The following TRMT11 variants were observed in gnomAD, a reference collection of about 807,000 sequenced individuals.
TRMT11 encodes the protein tRNA (guanine(10)-N(2))-methyltransferase TRMT11.
In TRMT11, 53 loss-of-function variants were observed where a neutral mutation model predicts 62.8. That is an observed-to-expected ratio of 0.84 (90% confidence interval 0.68 to 1.06). The LOEUF is 1.06. Ranked by LOEUF, TRMT11 falls within the 50% of genes least tolerant of loss-of-function variation. The pLI, the probability that TRMT11 is intolerant of heterozygous loss-of-function variation, is 0.00. For synonymous variants in TRMT11, 188 were observed against 190.3 expected, an observed-to-expected ratio of 0.99 and a Z score of 0.10; for missense variants, 556 against 553.4, an observed-to-expected ratio of 1.00 and a Z score of -0.05.
intron 12 of TRMT11, among the ~76,000 whole-genome samples, chr6:126,034,592 G>A (rs2128058894): frequency 6.6e-6 from 1 of 152,216 alleles, no homozygotes; most frequent in South Asian, 2.1e-4. Flanking sequence ...TTTGGAAATT[G>A]TAGTCTTTTT....
In TRMT11 at chr6:125,998,563, T is replaced by C. The variant is rs1295662856; in HGVS notation, c.401T>C (p.Leu134Pro). 1.9e-6 allele frequency: 3 copies of C among 1,612,320 alleles called. No individual in the cohort carries two copies. The African/African-American group carries it at 4.0e-5, about 22-fold the overall frequency. Residue 134 changes from leucine (L) to proline (P), a missense_variant, in exon 6 of 13, where the codon CTG (leucine) becomes CCG (proline). By Grantham distance (98) the Leu-to-Pro change is moderately conservative. Transcript: ENST00000334379. ...KIKRIDALEF[L>P]PFEGKVNLKK... ...TGTTTCTTTTAGGCACTTGAATTTC[T>C]GCCATTTGAAGGAAAAGTGAATTTA...
chr6:126,058,322 A>G (rs559701289), intron 17 of TRMT11, among the ~76,000 whole-genome samples: 2 of 152,262 alleles, frequency 1.3e-5, no homozygotes, highest in South Asian at 4.1e-4. Flanking sequence ...TCCATGGTGT[A>G]TATGCGCCAT....
At chr6:126,091,220 A>T (rs1583872208) in intron 17 of TRMT11, among the ~76,000 whole-genome samples, 1 of 135,530 alleles carries the variant, frequency 7.4e-6, no homozygotes, top group East Asian at 2.3e-4. Context: ...AAAAAAAAAA[A>T]TTTAGCTTAG....
chr6:126,117,223 C>A (rs527552397), intron 21 of TRMT11, among the ~76,000 whole-genome samples: 5 of 152,188 alleles, frequency 3.3e-5, no homozygotes, highest in African/African-American at 1.2e-4. Context: ...GTATTCTACA[C>A]CTCCTGGTCT....
At chr6:126,136,305 A>G (rs553821437) in intron 21 of TRMT11, among the ~76,000 whole-genome samples, 18 of 151,752 alleles carry the variant, frequency 1.2e-4, no homozygotes, top group Non-Finnish European at 2.5e-4. Flanking sequence ...GATACAAATA[A>G]CATCTTAGTA....
At chr6:126,029,125 T>C (rs775494500) in intron 12 of TRMT11, among the ~76,000 whole-genome samples, 8 of 152,182 alleles carry the variant, frequency 5.3e-5, no homozygotes, top group Non-Finnish European at 8.8e-5. Flanking sequence ...TTTTGTATTT[T>C]TCTTATTTGT....
chr6:126,236,367 TA>T, the TRMT11 span, among the ~76,000 whole-genome samples: 1 of 152,240 alleles, frequency 6.6e-6, no homozygotes, highest in Non-Finnish European at 1.5e-5. Context: ...AATTTAATTT[TA>T]TCTCTTTGTG....
chr6:126,188,996 G>GA (rs201017082), intron 1 of TRMT11, among the ~76,000 whole-genome samples: 18 of 150,612 alleles, frequency 1.2e-4, no homozygotes, highest in East Asian at 3.9e-4. Flanking sequence ...TCTCCTAATT[G>GA]AAAAAAAAAT....
At chr6:126,244,078 G>A in the TRMT11 span, among the ~76,000 whole-genome samples, 1 of 151,830 alleles carries the variant, frequency 6.6e-6, no homozygotes, top group African/African-American at 2.4e-5. Context: ...TTTCTAAAAT[G>A]TTCTTAGCAT....
At chr6:126,098,186 C>A (rs1303024007) in intron 17 of TRMT11, among the ~76,000 whole-genome samples, 6 of 152,098 alleles carry the variant, frequency 3.9e-5, no homozygotes, top group Non-Finnish European at 7.4e-5. Context: ...TGCTTGGCGT[C>A]CACTCACTTC....
intron 20 of TRMT11, among the ~76,000 whole-genome samples, chr6:126,115,524 T>A (rs1777577193): frequency 1.3e-5 from 2 of 152,144 alleles, no homozygotes; most frequent in Non-Finnish European, 2.9e-5. Flanking sequence ...AATATGTTCA[T>A]TTCTTTTCTA....
chr6:126,101,628 T>G (rs1777403312), intron 17 of TRMT11, among the ~76,000 whole-genome samples: 1 of 152,220 alleles, frequency 6.6e-6, no homozygotes. Flanking sequence ...TTCACTTATT[T>G]GAAGGAAACA....
At chr6:126,050,490 G>T (rs1263408087) in intron 16 of TRMT11, among the ~76,000 whole-genome samples, 1 of 152,084 alleles carries the variant, frequency 6.6e-6, no homozygotes, top group Non-Finnish European at 1.5e-5. Flanking sequence ...ATCACTTGGG[G>T]CCAGGATTAC....
intron 1 of TRMT11, among the ~76,000 whole-genome samples, chr6:126,196,332 A>C (rs1410067570): frequency 6.6e-6 from 1 of 152,140 alleles, no homozygotes; most frequent in Non-Finnish European, 1.5e-5. Context: ...TACGCTTTAC[A>C]CAGGAAAGAT....
At chr6:126,098,777 A>G (rs898206953) in intron 17 of TRMT11, among the ~76,000 whole-genome samples, 2 of 152,150 alleles carry the variant, frequency 1.3e-5, no homozygotes, top group East Asian at 1.9e-4. Context: ...CAGTTTTCCT[A>G]TTTGTCACAT....
At chr6:126,041,602 T>C (rs1271180052), downstream of TRMT11, among the ~76,000 whole-genome samples, 1 of 152,164 alleles carries the variant, frequency 6.6e-6, no homozygotes, top group Non-Finnish European at 1.5e-5. Context: ...TGATCTTATT[T>C]TCCATCCCAT....
At chr6:126,152,058 T>C (rs536449005) in intron 21 of TRMT11, among the ~76,000 whole-genome samples, 1 of 149,868 alleles carries the variant, frequency 6.7e-6, no homozygotes, top group East Asian at 1.9e-4. Flanking sequence ...TTTTCTTTCT[T>C]TTTTTTCTGT....
chr6:126,034,071 CT>C (rs1774707542), intron 12 of TRMT11, among the ~76,000 whole-genome samples: 2 of 152,112 alleles, frequency 1.3e-5, no homozygotes, highest in South Asian at 4.1e-4. Flanking sequence ...GAATGACCCA[CT>C]AATCCACCAT....
the TRMT11 span, among the ~76,000 whole-genome samples, chr6:126,233,889 C>G: frequency 2.6e-5 from 4 of 151,958 alleles, no homozygotes; most frequent in African/African-American, 4.8e-5. Flanking sequence ...TGATGTGGCC[C>G]AAACCATAGA....
Sources: allele counts gnomAD v4.1 joint callset (sites outside exome capture counted in the v4.1 genomes callset), GRCh38; gene constraint gnomAD v4.1.1; transcripts MANE v1.5; gene names NCBI Gene and HGNC (gene_info 2026-07-23, HGNC 2026-07-21).